ATP5PB: variants seen among roughly 807,000 people sequenced by gnomAD.
ATP5PB encodes the protein ATP synthase peripheral stalk subunit b, mitochondrial.
Under a neutral mutation model 34.5 loss-of-function variants are expected in ATP5PB, and 21 were observed. The ratio of observed to expected loss-of-function variants is 0.61; its 90% CI spans 0.43 to 0.88. The LOEUF is 0.88. Among genes scored for constraint, ATP5PB ranks in the 40% least tolerant of loss-of-function variants. The probability of loss-of-function intolerance (pLI) is 0.00; values close to 1 mark genes in which losing one functional copy is unlikely to be tolerated. For synonymous variants in ATP5PB, 108 were observed against 114.1 expected (o/e 0.95, Z 0.34); for missense variants, 293 against 317.4 (o/e 0.92, Z 0.58).
intron 3 of ATP5PB, 47 bp from the exon 4 acceptor site, chr1:111,456,039 T>G: frequency 7.0e-7 from 1 of 1,435,288 alleles, no homozygotes; most frequent in Non-Finnish European, 9.3e-7. Flanking sequence ...TCTTCCCTCT[T>G]TTAGGCATAG....
chr1:111,459,854 T>C lies in ATP5PB; in HGVS notation c.693+218T>C, dbSNP rs6657730. ...CTTAAATTTGGGTAACATTAACTGATATATTTAATTTCTCTATAAAATAGA... is the reference window on the plus strand; with the variant it reads ...CTTAAATTTGGGTAACATTAACTGACATATTTAATTTCTCTATAAAATAGA... On this transcript the variant is annotated intron_variant, in intron 6 of 6. Coordinates refer to ENST00000369722, the MANE Select transcript of ATP5PB (RefSeq NM_001688.5). 8.7e-3 allele frequency among the ~76,000 whole-genome samples: 1,323 copies of C among 152,280 alleles called. 32 individuals carry two copies. Among genetic ancestry groups the C allele is most frequent in the African/African-American group, 0.03 (1,260 of 41,544 alleles).
intron 3 of ATP5PB, among the ~76,000 whole-genome samples, chr1:111,455,204 A>G (rs898425228): frequency 6.6e-6 from 1 of 152,138 alleles, no homozygotes; most frequent in African/African-American, 2.4e-5. Flanking sequence ...CCTAACTGAA[A>G]TTGCTAGAAA....
chr1:111,453,963 G>T (rs1037941431), intron 2 of ATP5PB, among the ~76,000 whole-genome samples: 2 of 152,222 alleles, frequency 1.3e-5, no homozygotes, highest in Admixed American at 6.5e-5. Context: ...CTAGACAGAT[G>T]ATCTGCAAGG....
At chr1:111,449,770 CG>C (rs1653254827) in intron 1 of ATP5PB, 66 bp from the exon 2 acceptor site, 5 of 1,607,222 alleles carry the variant, frequency 3.1e-6, no homozygotes, top group Non-Finnish European at 3.4e-6. Context: ...TAGAGCCTGG[CG>C]GGGGTAAGGA....
intron 2 of ATP5PB, among the ~76,000 whole-genome samples, chr1:111,453,404 A>AG (rs1653385855): frequency 7.7e-6 from 1 of 130,260 alleles, no homozygotes; most frequent in East Asian, 2.0e-4. Flanking sequence ...ATACCTCATT[A>AG]AAAAAAAAAA....
rs767460908 is a variant in ATP5PB at position 111,449,535 on chromosome 1, G to C, written c.-7G>C. ...CGCTAAGATTGCTACCTGGACTTTC[G>C]TTGACCATGCTGTCCCGGGTGGTAC... On this transcript the variant is annotated 5_prime_UTR_variant, in exon 1 of 7. Coordinates refer to ENST00000369722, the MANE Select transcript of ATP5PB (RefSeq NM_001688.5). The C allele has an allele frequency of 3.1e-6, 5 of 1,613,882 alleles. No individual in the cohort carries two copies. In the East Asian group the frequency reaches 1.1e-4, roughly 36 times the overall value.
chr1:111,454,459 G>GTTT (rs1474563076), intron 3 of ATP5PB, 103 bp downstream of exon 3: 3 of 1,421,674 alleles, frequency 2.1e-6, no homozygotes, highest in East Asian at 2.3e-5. Flanking sequence ...TGTTGTTGTT[G>GTTT]TTGTTGTTGT....
At chr1:111,458,792 G>T (rs1377802385) in intron 5 of ATP5PB, among the ~76,000 whole-genome samples, 1 of 152,144 alleles carries the variant, frequency 6.6e-6, no homozygotes, top group East Asian at 1.9e-4. Flanking sequence ...TAGCCTTACT[G>T]CCTGTATGCT....
rs1340927565 is a variant in ATP5PB, at chr1:111,449,649, G to A, written c.40+68G>A. 4 of 1,561,582 alleles carry A rather than the reference G, an allele frequency of 2.6e-6. No homozygotes were observed. The African/African-American group carries it at 5.5e-5, about 21-fold the overall frequency. ...AAAGAAGCGAATCTAGGGGTGACAGGGAGGGGAGAAGGGCGCAGCGACACG... is the reference window on the plus strand; with the variant it reads ...AAAGAAGCGAATCTAGGGGTGACAGAGAGGGGAGAAGGGCGCAGCGACACG... On this transcript the variant is annotated intron_variant, in intron 1 of 6. Coordinates refer to ENST00000369722, the MANE Select transcript of ATP5PB (RefSeq NM_001688.5).
In ATP5PB at chr1:111,456,141, T is replaced by C. The variant is rs1369970382; in HGVS notation, c.279T>C (p.Tyr93=). The C allele has an allele frequency of 5.6e-6, 9 of 1,611,894 alleles. No individual in the cohort carries two copies. Among genetic ancestry groups the C allele is most frequent in the African/African-American group, 1.3e-5 (1 of 74,828 alleles). Residue 93 remains tyrosine (Y), a synonymous_variant, in exon 4 of 7, where the codon TAT becomes TAC. Coordinates refer to ENST00000369722, the MANE Select transcript of ATP5PB (RefSeq NM_001688.5). Reference sequence around the variant, plus strand: ...TGTACGCTTTATCCAAAGAAATATATGTGATTAGCGCAGAGACCTTCACTG... The same window carrying C: ...TGTACGCTTTATCCAAAGAAATATACGTGATTAGCGCAGAGACCTTCACTG... ...LILYALSKEI[Y]VISAETFTAL...
At chr1:111,450,478 C>G (rs1004592926) in intron 2 of ATP5PB, among the ~76,000 whole-genome samples, 7 of 152,174 alleles carry the variant, frequency 4.6e-5, no homozygotes, top group African/African-American at 1.7e-4. Context: ...GTCCCTGGCC[C>G]CTCCACTTAC....
rs1653625300 is a variant in ATP5PB, at chr1:111,461,662, G to A, written c.*668G>A. The A allele has an allele frequency of 6.6e-6, 1 of 152,208 alleles. No individual in the cohort carries two copies. The highest frequency in any genetic ancestry group is 1.5e-5 in the Non-Finnish European group (1 of 68,096). 9.4% of individuals were successfully genotyped at this position (152,208 alleles called of 1,614,324 possible). A position where few individuals can be genotyped will look rare whatever the true frequency, so the allele number is the denominator to read the frequency against. ...CACCTGTAATGCCTGCACTTTGGAA[G>A]GCCGAGACAGGCGGATCACTTGAGG... On this transcript the variant is annotated 3_prime_UTR_variant, in exon 7 of 7. Transcript: ENST00000369722.
chr1:111,456,334 G>A (rs1653471748), intron 4 of ATP5PB, 85 bp downstream of exon 4: 2 of 1,344,406 alleles, frequency 1.5e-6, no homozygotes, highest in Admixed American at 2.6e-5. Context: ...GAGTGTTAGG[G>A]GAGCAACATA....
intron 5 of ATP5PB, 28 bp downstream of exon 5, chr1:111,456,783 T>A: frequency 6.3e-7 from 1 of 1,577,392 alleles, no homozygotes; most frequent in Non-Finnish European, 8.6e-7. Flanking sequence ...CTAGGAAGAA[T>A]GAAGTTACTT....
Position 111,454,302 on chromosome 1 carries a change from GGA to G in ATP5PB, c.170_171del (p.Gly57AlafsTer4). 6.2e-7 allele frequency: 1 copy of G among 1,612,750 alleles called. No individual in the cohort carries two copies. The highest frequency in any genetic ancestry group is 1.1e-5 in the South Asian group (1 of 90,770). On this transcript the variant is annotated frameshift_variant, in exon 3 of 7. Coordinates refer to ENST00000369722, the MANE Select transcript of ATP5PB (RefSeq NM_001688.5). LOFTEE classifies it high-confidence loss of function. Reference protein sequence around the residue: ...LPEYGGKVRYGLIPEEFFQFL... With the variant: ...LPEYGGKVRYXLIPEEFFQFL... ...TGAATACGGAGGAAAAGTTCGTTAT[GGA>G]CTGATCCCTGAGGAATTCTTCCAGT...
intron 5 of ATP5PB, among the ~76,000 whole-genome samples, chr1:111,458,903 T>C (rs1653541483): frequency 6.6e-6 from 1 of 152,172 alleles, no homozygotes; most frequent in South Asian, 2.1e-4. Context: ...ATAATAACTA[T>C]GCCATGGTTT....
At chr1:111,453,162 A>G (rs1653380186) in intron 2 of ATP5PB, among the ~76,000 whole-genome samples, 1 of 152,216 alleles carries the variant, frequency 6.6e-6, no homozygotes, top group Non-Finnish European at 1.5e-5. Flanking sequence ...AAATGACAGC[A>G]GATATAAAGG....
intron 2 of ATP5PB, among the ~76,000 whole-genome samples, chr1:111,450,168 C>T (rs1462947060): frequency 6.6e-6 from 1 of 152,210 alleles, no homozygotes; most frequent in African/African-American, 2.4e-5. Context: ...GACCTTATGA[C>T]ATGTAGCTTC....
chr1:111,454,503 A>G, intron 3 of ATP5PB, 147 bp downstream of exon 3: 2 of 1,034,968 alleles, frequency 1.9e-6, no homozygotes, highest in South Asian at 3.5e-5. Flanking sequence ...ATCACCCAGG[A>G]TGGAGTGATA....
Sources: gnomAD v4.1 joint callset for allele counts (sites outside exome capture counted in the v4.1 genomes callset) on GRCh38, gnomAD v4.1.1 for gene constraint, MANE v1.5 for transcripts, NCBI Gene and HGNC (gene_info 2026-07-23, HGNC 2026-07-21) for gene names.